ZNF536: variants seen among roughly 807,000 people sequenced by gnomAD.
ZNF536 encodes zinc finger protein 536.
ZNF536 carries 13 observed loss-of-function variants against 84.5 expected under a neutral mutation model. The observed-to-expected ratio is 0.15, with a 90% CI of 0.10 to 0.24. The LOEUF is 0.24. ZNF536 is among the 10% of genes least tolerant of loss of function. The pLI is 1.00. For synonymous variants in ZNF536, 811 were observed against 742.5 expected, an observed-to-expected ratio of 1.09 and a Z score of -1.50; for missense variants, 1,536 against 1,747.5, an observed-to-expected ratio of 0.88 and a Z score of 2.16.
At chr19:30,544,902 T>A (rs796434411) in intron 3 of ZNF536, among the ~76,000 whole-genome samples, 11 of 152,234 alleles carry the variant, frequency 7.2e-5, no homozygotes, top group African/African-American at 2.6e-4. Context: ...CAGGATTCTG[T>A]GTCCAGTGGA....
At chr19:30,241,344 A>G (rs2023928669) in intron 1 of ZNF536, among the ~76,000 whole-genome samples, 1 of 152,182 alleles carries the variant, frequency 6.6e-6, no homozygotes, top group African/African-American at 2.4e-5. Context: ...AAACCCAAAT[A>G]ATTCAAATAC....
At chr19:30,665,211 C>T (rs1046228960) in intron 1 of ZNF536, 3 of 152,074 alleles carry the variant, frequency 2.0e-5, no homozygotes, top group African/African-American at 7.2e-5. Context: ...GGCATGGTAG[C>T]ACATGCCTGT....
chr19:30,491,127 T>C (rs1422430242), intron 2 of ZNF536, among the ~76,000 whole-genome samples: 3 of 152,172 alleles, frequency 2.0e-5, no homozygotes, highest in Non-Finnish European at 2.9e-5. Context: ...CCTATCTTCA[T>C]GAAAACAAAC....
chr19:30,253,373 G>T (rs1175869243), intron 1 of ZNF536, among the ~76,000 whole-genome samples: 1 of 151,802 alleles, frequency 6.6e-6, no homozygotes, highest in African/African-American at 2.4e-5. Flanking sequence ...AAAATTTAAG[G>T]TTTTTTTTGG....
intron 3 of ZNF536, among the ~76,000 whole-genome samples, chr19:30,543,686 A>T (rs1280717524): frequency 6.6e-6 from 1 of 152,184 alleles, no homozygotes; most frequent in African/African-American, 2.4e-5. Context: ...GAAAGAGCAG[A>T]TGTAGACCGC....
chr19:30,598,724 C>T (rs1166518530), intron 1 of ZNF536, among the ~76,000 whole-genome samples: 3 of 152,052 alleles, frequency 2.0e-5, no homozygotes, highest in Admixed American at 1.3e-4. Flanking sequence ...TGTGAAAAAC[C>T]AACAGGCTCT....
At chr19:30,587,368 T>C (rs1336025113) in intron 1 of ZNF536, among the ~76,000 whole-genome samples, 1 of 152,230 alleles carries the variant, frequency 6.6e-6, no homozygotes, top group East Asian at 1.9e-4. Flanking sequence ...CAACAAATGA[T>C]AGAATGCATT....
At chr19:30,424,721 A>G (rs1242844806) in intron 1 of ZNF536, among the ~76,000 whole-genome samples, 1 of 152,208 alleles carries the variant, frequency 6.6e-6, no homozygotes, top group African/African-American at 2.4e-5. Flanking sequence ...CATGCCTAAC[A>G]TAGCTAAAAT....
At chr19:30,227,739 A>C (rs1458865270), upstream of ZNF536, among the ~76,000 whole-genome samples, 1 of 150,164 alleles carries the variant, frequency 6.7e-6, no homozygotes, top group Admixed American at 6.6e-5. Flanking sequence ...TTCTCCCGGC[A>C]GCCGCCGCCG....
At chr19:30,697,196 T>C (rs2051698455) in intron 1 of ZNF536, among the ~76,000 whole-genome samples, 1 of 152,104 alleles carries the variant, frequency 6.6e-6, no homozygotes, top group Admixed American at 6.5e-5. Flanking sequence ...TCCCTCACTA[T>C]CAAGAGAACA....
chr19:30,269,220 C>A (rs1470889517), intron 1 of ZNF536, among the ~76,000 whole-genome samples: 1 of 152,162 alleles, frequency 6.6e-6, no homozygotes, highest in Admixed American at 6.5e-5. Flanking sequence ...TGCCACCTGC[C>A]TGGGGAGGCC....
intron 1 of ZNF536, among the ~76,000 whole-genome samples, chr19:30,383,553 TACTC>T (rs1207923916): frequency 4.6e-5 from 7 of 151,692 alleles, no homozygotes; most frequent in Non-Finnish European, 7.4e-5. Flanking sequence ...CAGGGCCTGC[TACTC>T]ACTTACTCCT....
intron 1 of ZNF536, among the ~76,000 whole-genome samples, chr19:30,605,385 T>C (rs2047834537): frequency 6.6e-6 from 1 of 152,028 alleles, no homozygotes; most frequent in Admixed American, 6.5e-5. Flanking sequence ...ATCACTCTTA[T>C]GCCTTTGCAT....
At chr19:30,376,914 G>T (rs2048840892) in intron 1 of ZNF536, among the ~76,000 whole-genome samples, 1 of 152,202 alleles carries the variant, frequency 6.6e-6, no homozygotes, top group Admixed American at 6.5e-5. Flanking sequence ...CTGGTTCTGT[G>T]TGCACAGTGG....
At chr19:30,408,739 GGTCCATCT>G (rs2050365012) in intron 1 of ZNF536, among the ~76,000 whole-genome samples, 1 of 150,062 alleles carries the variant, frequency 6.7e-6, no homozygotes, top group Non-Finnish European at 1.5e-5. Flanking sequence ...TTGATCCATC[GGTCCATCT>G]GTCCATCATC....
intron 1 of ZNF536, among the ~76,000 whole-genome samples, chr19:30,265,013 G>A (rs78409402): frequency 0.022 from 3,214 of 148,094 alleles, 88 homozygotes; most frequent in African/African-American, 0.075. Context: ...CACTCATCTC[G>A]CAGCCATTTC....
chr19:30,659,741 C>T (rs1314282684), intron 1 of ZNF536, among the ~76,000 whole-genome samples: 1 of 150,878 alleles, frequency 6.6e-6, no homozygotes, highest in East Asian at 1.9e-4. Context: ...CAATTATCTC[C>T]ACCTGGCTCC....
intron 1 of ZNF536, among the ~76,000 whole-genome samples, chr19:30,694,700 G>A (rs2051578790): frequency 6.6e-6 from 1 of 152,106 alleles, no homozygotes; most frequent in Admixed American, 6.5e-5. Flanking sequence ...AATAGTGTTG[G>A]GGGAAAAAAA....
In ZNF536 at chr19:30,569,559, C is replaced by CTTTTTTTTTTTTTTTTT. The variant is rs34995610; in HGVS notation, c.169+20059_169+20075dup. On this transcript the variant is annotated intron_variant, in intron 1 of 1. Transcript: ENST00000592773. Reference sequence around the variant, plus strand: ...ATGGAATCGAAGCCAGATAAACGTTCTTTTTTTTTTTTTTTTTTTTTTTTT... The same window carrying CTTTTTTTTTTTTTTTTT: ...ATGGAATCGAAGCCAGATAAACGTTCTTTTTTTTTTTTTTTTTTTTTTTTTTTTTTTTTTTTTTTTTT... Among the ~76,000 whole-genome samples, 42 of 55,090 alleles carry CTTTTTTTTTTTTTTTTT rather than the reference C, an allele frequency of 7.6e-4. 8 individuals carry two copies. Among genetic ancestry groups the CTTTTTTTTTTTTTTTTT allele is most frequent in the East Asian group, 1.8e-3 (2 of 1,106 alleles). The allele number at this position is 55,090 out of a possible 152,430, so 36.1% of individuals were successfully genotyped here.
Sources: gnomAD v4.1 joint callset for allele counts (sites outside exome capture counted in the v4.1 genomes callset) on GRCh38, gnomAD v4.1.1 for gene constraint, MANE v1.5 for transcripts, NCBI Gene and HGNC (gene_info 2026-07-23, HGNC 2026-07-21) for gene names.